USP43: variants seen among roughly 807,000 people sequenced by gnomAD.
USP43 encodes the protein ubiquitin specific peptidase 43, also known as ubiquitin carboxyl-terminal hydrolase 43.
A neutral mutation model predicts 90.7 loss-of-function variants in USP43; 33 were observed. The observed-to-expected ratio is 0.36, with a 90% CI of 0.28 to 0.49. USP43 has a LOEUF of 0.49. Among genes scored for constraint, USP43 ranks in the 20% least tolerant of loss-of-function variants. The pLI is 0.98. For synonymous variants in USP43, 598 were observed against 615.8 expected (o/e 0.97, Z 0.43); for missense variants, 1,274 against 1,476.4 (o/e 0.86, Z 2.25).
rs1911354349 is a variant in USP43 at position 9,645,881 on chromosome 17, C to G, written c.249C>G (p.Pro83=). Residue 83 remains proline (P), a synonymous_variant, in exon 1 of 15, where the codon CCC becomes CCG. Coordinates refer to ENST00000285199, the MANE Select transcript of USP43 (RefSeq NM_153210.5). This position sits in a 1 kb window ranked among gnomAD's most constrained non-coding sequence, Gnocchi z 6.8. ...GSPGEERPPG[P]QPQLQLPAGD... ...CCGGGGAGGAACGCCCGCCCGGACC[C>G]CAGCCCCAGCTCCAGCTCCCCGCCG... 16 of 1,448,002 alleles carry G rather than the reference C, an allele frequency of 1.1e-5. No homozygotes were observed. The East Asian group carries it at 4.8e-4, about 44-fold the overall frequency. 89.7% of individuals were successfully genotyped at this position (1,448,002 alleles called of 1,614,324 possible). A position where few individuals can be genotyped will look rare whatever the true frequency, so the allele number is the denominator to read the frequency against.
At position 9,709,542 on chromosome 17, in the gene USP43, C is replaced by T. The variant is rs9914234; in HGVS notation, c.2012-414C>T. ...ACCAGCCTGGTCAACATGGTGAAAC[C>T]CCATCTCTAATAAAAATATAAATAT... On this transcript the variant is annotated intron_variant, in intron 12 of 14. Transcript: ENST00000285199. This position sits in a 1 kb window ranked among gnomAD's most constrained non-coding sequence, Gnocchi z 5.0. Among the ~76,000 whole-genome samples the T allele has an allele frequency of 0.018, 2,721 of 151,832 alleles. 75 individuals are homozygous for T. Among genetic ancestry groups the T allele is most frequent in the African/African-American group, 0.062 (2,581 of 41,322 alleles).
chr17:9,712,144 A>G lies in USP43; in HGVS notation c.2335+12A>G, dbSNP rs779434094. On this transcript the variant is annotated intron_variant, in intron 14 of 14. Coordinates refer to ENST00000285199, the MANE Select transcript of USP43 (RefSeq NM_153210.5). ...CAATCAGGAAAAGGGTATGTTGGTT[A>G]AATGTGCTTGGTTGATTTTCATTTT... is the stretch of plus-strand genomic sequence containing the variant. 7.7e-6 allele frequency: 12 copies of G among 1,550,220 alleles called. No homozygotes were observed. The highest frequency in any genetic ancestry group is 1.0e-5 in the Non-Finnish European group (12 of 1,145,066).
intron 14 of USP43, among the ~76,000 whole-genome samples, chr17:9,712,986 A>G (rs1916294838): frequency 6.6e-6 from 1 of 152,200 alleles, no homozygotes; most frequent in Admixed American, 6.6e-5. Context: ...TGTGACGGGA[A>G]CATTTCAAAT....
chr17:9,702,004 C>T (rs529881750), intron 12 of USP43, among the ~76,000 whole-genome samples: 1 of 152,238 alleles, frequency 6.6e-6, no homozygotes, highest in African/African-American at 2.4e-5. Context: ...GCACCATGTG[C>T]GAGAGCAGAA....
chr17:9,671,517 G>A (rs1913438325), intron 3 of USP43, among the ~76,000 whole-genome samples: 1 of 152,200 alleles, frequency 6.6e-6, no homozygotes. Context: ...GCAGTTAAAG[G>A]GCAGAGTGAC....
intron 5 of USP43, 27 bp from the exon 6 acceptor site, chr17:9,680,204 G>C: frequency 3.1e-6 from 5 of 1,605,740 alleles, no homozygotes; most frequent in East Asian, 2.2e-5. Flanking sequence ...CAGAAATCAA[G>C]AGGGAAAATG....
Position 9,666,739 on chromosome 17 carries a change from A to G in USP43, c.728A>G (p.Gln243Arg). Residue 243 changes from glutamine (Q) to arginine (R), a missense_variant, in exon 3 of 15, where the codon CAA (glutamine) becomes CGA (arginine). Physicochemically the swap from Gln to Arg is conservative, Grantham distance 43 (BLOSUM62 1). Coordinates refer to ENST00000285199, the MANE Select transcript of USP43 (RefSeq NM_153210.5). ...CAAAGCTTTGTGCAAAGCCACTTTC[A>G]AGCACAATATAGGTAAGATGGGGAT... ...LGQSFVQSHFQAQYRSSLTCP... is the reference protein window; with the variant it reads ...LGQSFVQSHFRAQYRSSLTCP... 1.2e-6 allele frequency: 2 copies of G among 1,612,138 alleles called. No individual in the cohort carries two copies. Among genetic ancestry groups the G allele is most frequent in the Non-Finnish European group, 1.7e-6 (2 of 1,179,082 alleles).
chr17:9,670,691 C>T (rs939902747), intron 3 of USP43, among the ~76,000 whole-genome samples: 1 of 151,852 alleles, frequency 6.6e-6, no homozygotes, highest in Non-Finnish European at 1.5e-5. Context: ...CCTGACTTGG[C>T]GTGGGATGAA....
Position 9,729,128 on chromosome 17 carries a change from TG to T in USP43, c.*144del. 5 of 759,484 alleles carry T rather than the reference TG, an allele frequency of 6.6e-6. No individual in the cohort carries two copies. The highest frequency in any genetic ancestry group is 3.4e-5 in the South Asian group (1 of 29,714). The allele number at this position is 759,484 out of a possible 1,614,324, so 47.0% of individuals were successfully genotyped here. The stretch of plus-strand genomic sequence containing the variant: ...AAAAAAAATTTTTTTTTTTTTGTGG[TG>T]GGGGGTCTCCATATCTAGACTTCCA... On this transcript the variant is annotated 3_prime_UTR_variant, in exon 15 of 15. Transcript: ENST00000285199.
In USP43 at chr17:9,650,168, C is replaced by G. The variant is rs73975776; in HGVS notation, c.504+4032C>G. Among the ~76,000 whole-genome samples the G allele has an allele frequency of 2.6e-3, 394 of 152,258 alleles. 3 individuals carry two copies. Among genetic ancestry groups the G allele is most frequent in the Middle Eastern group, 0.01 (3 of 294 alleles). ...GTATTGAAGTTTCTTGTATTTAAAT[C>G]ATTGTCCTCAGCTGTGATTATTCCC... On this transcript the variant is annotated intron_variant, in intron 1 of 14. Transcript: ENST00000285199.
At chr17:9,690,651 G>A (rs771047934) in intron 8 of USP43, among the ~76,000 whole-genome samples, 2 of 152,156 alleles carry the variant, frequency 1.3e-5, no homozygotes, top group African/African-American at 2.4e-5. Context: ...TTGGGAGGCC[G>A]AGGCAGGTGG....
At chr17:9,713,281 G>T (rs1171121449) in intron 14 of USP43, among the ~76,000 whole-genome samples, 2 of 152,060 alleles carry the variant, frequency 1.3e-5, no homozygotes, top group African/African-American at 4.8e-5. Flanking sequence ...TAGAGACAGG[G>T]TTTCATCATG....
chr17:9,717,366 T>C (rs903091960), intron 14 of USP43, among the ~76,000 whole-genome samples: 1 of 151,090 alleles, frequency 6.6e-6, no homozygotes, highest in African/African-American at 2.4e-5. Flanking sequence ...GCACAGTGTG[T>C]GTGTGTGTGT....
chr17:9,713,125 C>G (rs1916303224), intron 14 of USP43, among the ~76,000 whole-genome samples: 1 of 152,074 alleles, frequency 6.6e-6, no homozygotes, highest in African/African-American at 2.4e-5. Flanking sequence ...GAGTCTCACT[C>G]TGTCGCAGGC....
chr17:9,678,274 G>C (rs184306825), intron 5 of USP43, among the ~76,000 whole-genome samples: 94 of 152,174 alleles, frequency 6.2e-4, no homozygotes, highest in African/African-American at 2.2e-3. Flanking sequence ...CATCTATTTT[G>C]ATGCTTTGTT....
chr17:9,651,394 G>A (rs1374322555), intron 1 of USP43, among the ~76,000 whole-genome samples: 2 of 152,100 alleles, frequency 1.3e-5, no homozygotes, highest in African/African-American at 4.8e-5. Flanking sequence ...GTTTCACCAT[G>A]TTGGCCAGGC....
At chr17:9,727,419 A>C (rs1597904240) in intron 14 of USP43, among the ~76,000 whole-genome samples, 1 of 152,302 alleles carries the variant, frequency 6.6e-6, no homozygotes, top group Non-Finnish European at 1.5e-5. Context: ...ATGCATGCAT[A>C]ATACATGCAC....
intron 9 of USP43, among the ~76,000 whole-genome samples, chr17:9,696,932 T>C (rs1002525806): frequency 2.0e-5 from 3 of 152,266 alleles, no homozygotes; most frequent in African/African-American, 7.2e-5. Context: ...CATTAAATTT[T>C]TGGGCCAGGC....
At chr17:9,684,763 C>CA (rs34404550) in intron 7 of USP43, among the ~76,000 whole-genome samples, 24,130 of 64,924 alleles carry the variant, frequency 0.37, 3,866 homozygotes, top group East Asian at 0.65. Flanking sequence ...AACTCCATCT[C>CA]AAAAAAAAAA....
Sources: gnomAD v4.1 joint callset for allele counts (sites outside exome capture counted in the v4.1 genomes callset) on GRCh38, gnomAD v4.1.1 for gene constraint, Gnocchi (gnomAD v3.1) non-coding constraint, MANE v1.5 for transcripts, NCBI Gene and HGNC (gene_info 2026-07-23, HGNC 2026-07-21) for gene names.